NPAS3: variants seen among roughly 807,000 people sequenced by gnomAD.
The protein encoded by NPAS3 is neuronal PAS domain-containing protein 3.
In NPAS3, 14 loss-of-function variants were observed where a neutral mutation model predicts 73.1. The observed-to-expected ratio is 0.19, with a 90% CI of 0.13 to 0.30. NPAS3 has a LOEUF of 0.30. Among genes scored for constraint, NPAS3 ranks in the 10% least tolerant of loss-of-function variants. The pLI is 1.00. For synonymous variants in NPAS3, 620 were observed against 541.5 expected (o/e 1.14, Z -2.01); for missense variants, 1,096 against 1,250.0 (o/e 0.88, Z 1.86).
intron 1 of NPAS3, among the ~76,000 whole-genome samples, chr14:33,008,028 T>C (rs916624254): frequency 5.9e-5 from 9 of 152,176 alleles, no homozygotes; most frequent in African/African-American, 1.7e-4. Context: ...GAAAAAAATA[T>C]CCTGTATCAT....
chr14:33,772,712 A>G (rs1182018233), intron 7 of NPAS3, among the ~76,000 whole-genome samples: 1 of 152,082 alleles, frequency 6.6e-6, no homozygotes, highest in Non-Finnish European at 1.5e-5. Context: ...TCTTTTAGCT[A>G]TTTCTCTATT....
At chr14:33,224,949 T>G (rs1321359434) in intron 3 of NPAS3, among the ~76,000 whole-genome samples, 1 of 152,138 alleles carries the variant, frequency 6.6e-6, no homozygotes, top group Non-Finnish European at 1.5e-5. Context: ...TAAAAGTGTT[T>G]CAAAATAAAA....
intron 2 of NPAS3, among the ~76,000 whole-genome samples, chr14:33,117,854 A>G (rs1188305719): frequency 6.6e-6 from 1 of 152,118 alleles, no homozygotes; most frequent in Non-Finnish European, 1.5e-5. Context: ...AAAATCTTTG[A>G]CATTTTTGTG....
chr14:33,088,646 A>G (rs925252172), intron 2 of NPAS3, among the ~76,000 whole-genome samples: 4 of 152,218 alleles, frequency 2.6e-5, no homozygotes, highest in Non-Finnish European at 4.4e-5. Flanking sequence ...GCAGACTTAA[A>G]TGTCCCTGTG....
At chr14:33,223,377 G>T (rs560589492) in intron 3 of NPAS3, among the ~76,000 whole-genome samples, 1 of 152,232 alleles carries the variant, frequency 6.6e-6, no homozygotes, top group African/African-American at 2.4e-5. Flanking sequence ...ACTGGAGTCC[G>T]TTGAACAAAT....
chr14:33,329,393 G>A (rs368436702), intron 3 of NPAS3, among the ~76,000 whole-genome samples: 2 of 152,232 alleles, frequency 1.3e-5, no homozygotes, highest in East Asian at 1.9e-4. Flanking sequence ...AACCTACTAG[G>A]GACAGATGTG....
intron 3 of NPAS3, among the ~76,000 whole-genome samples, chr14:33,364,025 A>G (rs1245218702): frequency 6.6e-6 from 1 of 152,128 alleles, no homozygotes; most frequent in Non-Finnish European, 1.5e-5. Flanking sequence ...GAACAAACAA[A>G]TAAATGAAAT....
rs562921368 is a variant in NPAS3, at chr14:33,695,226, T to C, written c.733+18841T>C. ...TATTTTTTAAAGTATTTTCTTTGAA[T>C]ACAATTTATATGTAAAGCTGGTCCT... is the stretch of plus-strand genomic sequence containing the variant. On this transcript the variant is annotated intron_variant, in intron 6 of 11. Transcript: ENST00000356141. Among the ~76,000 whole-genome samples, 5 of 152,354 alleles carry C rather than the reference T, an allele frequency of 3.3e-5. No individual in the cohort carries two copies. The South Asian group carries it at 8.3e-4, about 25-fold the overall frequency.
chr14:33,422,716 A>C (rs2048406106), intron 4 of NPAS3, among the ~76,000 whole-genome samples: 1 of 151,988 alleles, frequency 6.6e-6, no homozygotes, highest in Admixed American at 6.6e-5. Context: ...CTTCTTAAGA[A>C]CATAATTTTC....
In NPAS3 at chr14:33,442,661, G is replaced by A. The variant is rs184324975; in HGVS notation, c.468+75393G>A. Among the ~76,000 whole-genome samples, 363 of 152,300 alleles carry A rather than the reference G, an allele frequency of 2.4e-3. 2 individuals carry two copies. The highest frequency in any genetic ancestry group is 0.01 in the Middle Eastern group (3 of 294). On this transcript the variant is annotated intron_variant, in intron 4 of 11. Transcript: ENST00000356141. The stretch of plus-strand genomic sequence containing the variant: ...GCTGCCGCCATGTGAAGAAGGACTT[G>A]TTTGCTTCCCATTGTGCCATGATTG...
chr14:33,059,129 G>T (rs906554280), intron 2 of NPAS3, among the ~76,000 whole-genome samples: 3 of 152,132 alleles, frequency 2.0e-5, no homozygotes, highest in African/African-American at 2.4e-5. Flanking sequence ...CAATTCTGGT[G>T]CTCTCTAAGC....
chr14:33,573,816 G>C (rs765052329), intron 5 of NPAS3, among the ~76,000 whole-genome samples: 2 of 151,992 alleles, frequency 1.3e-5, no homozygotes, highest in Non-Finnish European at 2.9e-5. Flanking sequence ...AGGATAGAAA[G>C]CACCCTCCAA....
At chr14:33,630,765 G>A (rs750238175) in intron 5 of NPAS3, among the ~76,000 whole-genome samples, 5 of 152,130 alleles carry the variant, frequency 3.3e-5, no homozygotes, top group South Asian at 2.1e-4. Flanking sequence ...TTGCTGTGAC[G>A]TCGGGTTAAA....
At chr14:33,466,387 C>A (rs936765602) in intron 4 of NPAS3, among the ~76,000 whole-genome samples, 2 of 152,118 alleles carry the variant, frequency 1.3e-5, no homozygotes, top group Non-Finnish European at 1.5e-5. Context: ...AACCTCTTAA[C>A]AAATATTCAC....
chr14:33,374,293 T>C (rs191909438), intron 4 of NPAS3, among the ~76,000 whole-genome samples: 2 of 152,276 alleles, frequency 1.3e-5, no homozygotes, highest in African/African-American at 4.8e-5. Context: ...CAGAGGCTGT[T>C]AAGGATCAGA....
At chr14:33,566,488 C>A (rs1236826353) in intron 5 of NPAS3, among the ~76,000 whole-genome samples, 2 of 152,104 alleles carry the variant, frequency 1.3e-5, no homozygotes, top group African/African-American at 4.8e-5. Context: ...AAACACGCCT[C>A]TTTATTTCAT....
At chr14:33,246,425 G>A (rs1247937447) in intron 3 of NPAS3, among the ~76,000 whole-genome samples, 1 of 151,260 alleles carries the variant, frequency 6.6e-6, no homozygotes, top group African/African-American at 2.4e-5. Context: ...TGTAGTCCCA[G>A]CTACTTGGGA....
chr14:33,241,024 T>C (rs1157675538), intron 3 of NPAS3, among the ~76,000 whole-genome samples: 2 of 152,000 alleles, frequency 1.3e-5, no homozygotes, highest in African/African-American at 4.8e-5. Flanking sequence ...CAGAATTCCC[T>C]TGGACCACTG....
intron 4 of NPAS3, among the ~76,000 whole-genome samples, chr14:33,470,783 A>G (rs1037054985): frequency 3.3e-5 from 5 of 152,166 alleles, no homozygotes; most frequent in African/African-American, 2.4e-5. Context: ...TTCCTTCCCT[A>G]TGGAATCCAA....
Sources: allele counts gnomAD v4.1 joint callset (sites outside exome capture counted in the v4.1 genomes callset), GRCh38; gene constraint gnomAD v4.1.1; transcripts MANE v1.5; gene names NCBI Gene and HGNC (gene_info 2026-07-23, HGNC 2026-07-21).